GSK3B: variants seen among roughly 807,000 people sequenced by gnomAD.
GSK3B encodes glycogen synthase kinase-3 beta.
GSK3B carries 15 observed loss-of-function variants against 56.4 expected under a neutral mutation model. The ratio of observed to expected loss-of-function variants is 0.27; its 90% CI spans 0.18 to 0.41. The LOEUF (loss-of-function observed/expected upper bound fraction) is 0.41, where lower values mean the gene tolerates loss of function less well. GSK3B is among the 10% of genes least tolerant of loss of function. GSK3B has a pLI of 1.00. For missense variants in GSK3B, 300 were observed against 513.4 expected, an observed-to-expected ratio of 0.58 and a Z score of 4.02; for synonymous variants, 181 against 188.9, an observed-to-expected ratio of 0.96 and a Z score of 0.34.
At chr3:119,955,234 T>TA (rs543229359) in intron 2 of GSK3B, among the ~76,000 whole-genome samples, 20,177 of 126,432 alleles carry the variant, frequency 0.16, 1,546 homozygotes, top group African/African-American at 0.23. Context: ...AACCAACAGC[T>TA]AAAAAAAAAA....
intron 7 of GSK3B, among the ~76,000 whole-genome samples, chr3:119,899,392 T>C (rs560771849): frequency 5.9e-5 from 9 of 152,250 alleles, no homozygotes; most frequent in African/African-American, 2.2e-4. Context: ...ATAGTAGTAG[T>C]AGTGATGCTT....
intron 2 of GSK3B, among the ~76,000 whole-genome samples, chr3:119,954,868 T>G (rs940002923): frequency 6.6e-6 from 1 of 152,182 alleles, no homozygotes; most frequent in Admixed American, 6.5e-5. Flanking sequence ...TTTTGTACCA[T>G]TACATAAAGT....
intron 2 of GSK3B, among the ~76,000 whole-genome samples, chr3:119,956,305 G>A (rs886683821): frequency 6.6e-6 from 1 of 152,174 alleles, no homozygotes. Context: ...AAGCAATACC[G>A]TATGTTCTTC....
intron 9 of GSK3B, among the ~76,000 whole-genome samples, chr3:119,852,920 T>C (rs879930200): frequency 6.6e-6 from 1 of 152,220 alleles, no homozygotes; most frequent in African/African-American, 2.4e-5. Flanking sequence ...AGAAGCTCTT[T>C]AGCTTAATTA....
At chr3:119,847,796 C>G (rs566097732) in intron 9 of GSK3B, among the ~76,000 whole-genome samples, 1 of 152,134 alleles carries the variant, frequency 6.6e-6, no homozygotes, top group African/African-American at 2.4e-5. Flanking sequence ...AAATACTGTA[C>G]AAACATATTC....
chr3:119,924,582 T>C (rs1039607952), intron 3 of GSK3B, among the ~76,000 whole-genome samples: 2 of 152,038 alleles, frequency 1.3e-5, no homozygotes, highest in Non-Finnish European at 2.9e-5. Flanking sequence ...CATGTAAGAG[T>C]AGAGCAGAGA....
chr3:119,843,009 G>A (rs1423180160), intron 10 of GSK3B, among the ~76,000 whole-genome samples: 5 of 151,728 alleles, frequency 3.3e-5, no homozygotes, highest in African/African-American at 7.3e-5. Flanking sequence ...TCCGCCTCCC[G>A]GTTTCAAGCA....
intron 3 of GSK3B, among the ~76,000 whole-genome samples, chr3:119,940,400 T>C (rs551232285): frequency 1.3e-5 from 2 of 152,168 alleles, no homozygotes; most frequent in South Asian, 2.1e-4. Flanking sequence ...CATCCCTTAA[T>C]ATAACCATAT....
chr3:119,852,593 T>G (rs1424090897), intron 9 of GSK3B, among the ~76,000 whole-genome samples: 5 of 152,098 alleles, frequency 3.3e-5, no homozygotes, highest in Admixed American at 1.3e-4. Flanking sequence ...TGTGATCTGC[T>G]CACCCCCGCC....
At chr3:120,040,567 G>C (rs1037428547) in intron 1 of GSK3B, among the ~76,000 whole-genome samples, 1 of 152,048 alleles carries the variant, frequency 6.6e-6, no homozygotes, top group East Asian at 1.9e-4. Flanking sequence ...GAATAGGCAA[G>C]AAGTCTTTAG....
At chr3:119,883,186 C>A (rs564169620) in intron 7 of GSK3B, among the ~76,000 whole-genome samples, 1 of 152,150 alleles carries the variant, frequency 6.6e-6, no homozygotes, top group South Asian at 2.1e-4. Flanking sequence ...TATTTTAAAT[C>A]TTAACACCAG....
chr3:119,859,181 A>G (rs2056065181), intron 9 of GSK3B, among the ~76,000 whole-genome samples: 1 of 76,042 alleles, frequency 1.3e-5, no homozygotes, highest in Non-Finnish European at 3.2e-5. Flanking sequence ...TTATTTGTGT[A>G]TATAAAAAAA....
At chr3:119,993,730 G>C (rs1465677547) in intron 2 of GSK3B, among the ~76,000 whole-genome samples, 1 of 152,184 alleles carries the variant, frequency 6.6e-6, no homozygotes, top group African/African-American at 2.4e-5. Context: ...ATGTTGCTCT[G>C]CAATTAAAAG....
intron 8 of GSK3B, among the ~76,000 whole-genome samples, chr3:119,871,120 A>G (rs979685394): frequency 1.3e-5 from 2 of 152,218 alleles, no homozygotes. Context: ...CAAAGTCTTA[A>G]AAAGAAATAA....
chr3:119,950,092 G>A (rs564542994), intron 2 of GSK3B, among the ~76,000 whole-genome samples: 2 of 152,198 alleles, frequency 1.3e-5, no homozygotes, highest in South Asian at 2.1e-4. Flanking sequence ...ATAGAGGACA[G>A]AGTGGAGTAG....
At chr3:119,979,497 A>C (rs975047358) in intron 2 of GSK3B, among the ~76,000 whole-genome samples, 1 of 151,762 alleles carries the variant, frequency 6.6e-6, no homozygotes, top group Non-Finnish European at 1.5e-5. Flanking sequence ...TCCACCTGTT[A>C]CCCATTCAAA....
intron 3 of GSK3B, among the ~76,000 whole-genome samples, chr3:119,931,338 G>T (rs564268994): frequency 6.6e-6 from 1 of 152,108 alleles, no homozygotes; most frequent in African/African-American, 2.4e-5. Flanking sequence ...TAAATAGGCC[G>T]GGCACAGTGG....
At chr3:119,986,410 G>C (rs972471413) in intron 2 of GSK3B, among the ~76,000 whole-genome samples, 2 of 151,888 alleles carry the variant, frequency 1.3e-5, no homozygotes, top group African/African-American at 4.8e-5. Context: ...CTACAGAATG[G>C]GAGAAAATTT....
chr3:120,077,414 T>C (rs1420803977), intron 1 of GSK3B, among the ~76,000 whole-genome samples: 1 of 152,178 alleles, frequency 6.6e-6, no homozygotes, highest in African/African-American at 2.4e-5. Flanking sequence ...ATCTCAATTA[T>C]ATGTGAAATC....
Sources: gnomAD v4.1 joint callset for allele counts (sites outside exome capture counted in the v4.1 genomes callset) on GRCh38, gnomAD v4.1.1 for gene constraint, MANE v1.5 for transcripts, NCBI Gene and HGNC (gene_info 2026-07-23, HGNC 2026-07-21) for gene names.